The following HDAC4 variants were observed in gnomAD, a reference collection of about 807,000 sequenced individuals.
HDAC4 encodes histone deacetylase 4.
In HDAC4, 16 loss-of-function variants were observed where a neutral mutation model predicts 135.1. That is an observed-to-expected ratio of 0.12 (90% confidence interval 0.08 to 0.18). The LOEUF is 0.18. HDAC4 is among the 10% of genes least tolerant of loss of function. The probability of loss-of-function intolerance (pLI) is 1.00; values close to 1 mark genes in which losing one functional copy is unlikely to be tolerated. For synonymous variants in HDAC4, 685 were observed against 653.4 expected, an observed-to-expected ratio of 1.05 and a Z score of -0.74; for missense variants, 1,143 against 1,511.8, an observed-to-expected ratio of 0.76 and a Z score of 4.05.
At chr2:239,373,499 C>T (rs1440558395) in intron 1 of HDAC4, among the ~76,000 whole-genome samples, 1 of 152,134 alleles carries the variant, frequency 6.6e-6, no homozygotes, top group Non-Finnish European at 1.5e-5. Context: ...GACAGAGTCT[C>T]ACTCTGTCGC....
intron 16 of HDAC4, among the ~76,000 whole-genome samples, chr2:239,097,756 T>C (rs1286549919): frequency 6.6e-6 from 1 of 152,202 alleles, no homozygotes; most frequent in East Asian, 1.9e-4. Context: ...CCACCTGCTG[T>C]CCTGCTTGCT....
chr2:239,110,353 C>A (rs1443681462), intron 14 of HDAC4, among the ~76,000 whole-genome samples: 1 of 152,248 alleles, frequency 6.6e-6, no homozygotes, highest in Non-Finnish European at 1.5e-5. Context: ...CCCTGCAAGT[C>A]TCCTGGGACC....
chr2:239,183,395 T>TA (rs943468305), intron 4 of HDAC4, among the ~76,000 whole-genome samples: 10 of 152,216 alleles, frequency 6.6e-5, no homozygotes, highest in Non-Finnish European at 1.3e-4. Flanking sequence ...CGCGCCCGCA[T>TA]AAAGCGGCAG....
At chr2:239,057,558 A>G (rs1439830089) in intron 24 of HDAC4, among the ~76,000 whole-genome samples, 1 of 152,258 alleles carries the variant, frequency 6.6e-6, no homozygotes, top group Non-Finnish European at 1.5e-5. Context: ...GCCACACACC[A>G]ACTCCTTAAC....
rs148338797 is a variant in HDAC4, at chr2:239,111,135, C to T, written c.1978+391G>A. The stretch of plus-strand genomic sequence containing the variant: ...CACAGCCCTGTCACTGGAGCCTCAG[C>T]GTCAACGCTGTGGACGTGGGCGAAG... On this transcript the variant is annotated intron_variant, in intron 14 of 26. Coordinates refer to ENST00000543185, the MANE Select transcript of HDAC4 (RefSeq NM_001378414.1). Among the ~76,000 whole-genome samples the T allele has an allele frequency of 7.0e-4, 106 of 152,338 alleles. 1 individual carries two copies. Among genetic ancestry groups the T allele is most frequent in the Non-Finnish European group, 7.4e-4 (50 of 68,022 alleles).
intron 1 of HDAC4, among the ~76,000 whole-genome samples, chr2:239,363,363 TCA>T (rs1462215634): frequency 6.6e-6 from 1 of 152,218 alleles, no homozygotes; most frequent in African/African-American, 2.4e-5. Flanking sequence ...CTTGGGGGAC[TCA>T]CACTACCAAA....
chr2:239,236,673 C>G lies in HDAC4; in HGVS notation c.23-9G>C, dbSNP rs2047907421. On this transcript the variant is annotated splice_polypyrimidine_tract_variant and intron_variant, in intron 2 of 26. Transcript: ENST00000543185. ...TCGGCCAGAAAGTCCATCTGGAGAACAGAGAAGGCACTGGCTTCAGAAACT... is the reference window on the plus strand; with the variant it reads ...TCGGCCAGAAAGTCCATCTGGAGAAGAGAGAAGGCACTGGCTTCAGAAACT... The G allele has an allele frequency of 6.4e-7, 1 of 1,550,934 alleles. No individual in the cohort carries two copies. The highest frequency in any genetic ancestry group is 1.4e-5 in the African/African-American group (1 of 73,030).
In HDAC4 at chr2:239,359,252, G is replaced by C. The variant is rs1177176535; in HGVS notation, c.-219-6334C>G. ...GCCAACACCCTGGCATTCACGCTGC[G>C]TCGGTACCTCCTTCCACCTACACTG... is the stretch of plus-strand genomic sequence containing the variant. On this transcript the variant is annotated intron_variant, in intron 1 of 26. Transcript: ENST00000543185. Among the ~76,000 whole-genome samples, 3 of 152,050 alleles carry C rather than the reference G, an allele frequency of 2.0e-5. No individual in the cohort carries two copies. In the East Asian group the frequency reaches 5.8e-4, roughly 29 times the overall value.
At position 239,139,660 on chromosome 2, in the gene HDAC4, A is replaced by C. The variant is rs1388281241; in HGVS notation, c.978+24T>G. On this transcript the variant is annotated intron_variant, in intron 9 of 26. Coordinates refer to ENST00000543185, the MANE Select transcript of HDAC4 (RefSeq NM_001378414.1). This position sits in a 1 kb window ranked among gnomAD's most constrained non-coding sequence, Gnocchi z 5.3. The stretch of plus-strand genomic sequence containing the variant: ...CCGAGTCCGACTCTAGCCGTAGGAC[A>C]CAGGACAAACGCTTCGCACTGACCT... 6.3e-7 allele frequency: 1 copy of C among 1,597,902 alleles called. No homozygotes were observed. The highest frequency in any genetic ancestry group is 8.6e-7 in the Non-Finnish European group (1 of 1,165,238).
intron 3 of HDAC4, among the ~76,000 whole-genome samples, chr2:239,235,394 G>T (rs1029964716): frequency 2.6e-5 from 4 of 152,210 alleles, no homozygotes; most frequent in Non-Finnish European, 5.9e-5. Flanking sequence ...TCCTTTCGGG[G>T]TGATGAGTGG....
chr2:239,194,121 C>T (rs74003754), intron 3 of HDAC4, among the ~76,000 whole-genome samples: 4,820 of 152,182 alleles, frequency 0.032, 264 homozygotes, highest in African/African-American at 0.11. Context: ...CATCATTGAG[C>T]GTGGAGGAGA....
chr2:239,101,631 G>T (rs2037643347), intron 16 of HDAC4, among the ~76,000 whole-genome samples: 1 of 152,204 alleles, frequency 6.6e-6, no homozygotes, highest in Admixed American at 6.5e-5. Flanking sequence ...AGGCACAGAA[G>T]ATGGGGAAGA....
At chr2:239,088,276 A>G (rs999494536) in intron 18 of HDAC4, among the ~76,000 whole-genome samples, 11 of 152,234 alleles carry the variant, frequency 7.2e-5, no homozygotes, top group Non-Finnish European at 1.5e-4. Flanking sequence ...CAGCAACAGG[A>G]CACTGTGTGG....
At chr2:239,103,703 C>T (rs1192267554) in intron 15 of HDAC4, among the ~76,000 whole-genome samples, 3 of 152,210 alleles carry the variant, frequency 2.0e-5, no homozygotes, top group East Asian at 1.9e-4. Flanking sequence ...CCCCAGCATC[C>T]GCTGAGCTCC....
At chr2:239,114,245 G>C (rs1392550846) in intron 13 of HDAC4, among the ~76,000 whole-genome samples, 1 of 152,198 alleles carries the variant, frequency 6.6e-6, no homozygotes, top group Non-Finnish European at 1.5e-5. Flanking sequence ...GGTGCTCAAC[G>C]GCACGGCCGG....
Sources: gnomAD v4.1 joint callset for allele counts (sites outside exome capture counted in the v4.1 genomes callset) on GRCh38, gnomAD v4.1.1 for gene constraint, Gnocchi (gnomAD v3.1) non-coding constraint, MANE v1.5 for transcripts, NCBI Gene and HGNC (gene_info 2026-07-23, HGNC 2026-07-21) for gene names.